Variants in TNRC6A observed in about 807,000 individuals in gnomAD.
TNRC6A encodes trinucleotide repeat containing adaptor 6A.
A neutral mutation model predicts 221.2 loss-of-function variants in TNRC6A; 44 were observed. The ratio of observed to expected loss-of-function variants is 0.20; its 90% CI spans 0.16 to 0.26. The LOEUF (loss-of-function observed/expected upper bound fraction) is 0.26. Among genes scored for constraint, TNRC6A ranks in the 10% least tolerant of loss-of-function variants. TNRC6A has a pLI of 1.00. For missense variants in TNRC6A, 2,199 were observed against 2,404.4 expected, an observed-to-expected ratio of 0.91 and a Z score of 1.79; for synonymous variants, 847 against 838.5, an observed-to-expected ratio of 1.01 and a Z score of -0.18.
At position 24,825,117 on chromosome 16, in the gene TNRC6A, A is replaced by G. The variant is rs2058843606; in HGVS notation, c.*1310A>G. ...ACTGTAACCAAGGTATTGGGCTTAC[A>G]GAGTTGTTTGTTGTATAAAGAAAAT... On this transcript the variant is annotated 3_prime_UTR_variant, in exon 25 of 25. Coordinates refer to ENST00000395799, the MANE Select transcript of TNRC6A (RefSeq NM_014494.4). The G allele has an allele frequency of 6.6e-6, 1 of 152,654 alleles. No homozygotes were observed. Among genetic ancestry groups the G allele is most frequent in the African/African-American group, 2.4e-5 (1 of 41,462 alleles). 9.5% of individuals were successfully genotyped at this position (152,654 alleles called of 1,614,324 possible).
chr16:24,729,253 G>A (rs1174612028), upstream of TNRC6A, among the ~76,000 whole-genome samples: 1 of 151,494 alleles, frequency 6.6e-6, no homozygotes, highest in Non-Finnish European at 1.5e-5. Flanking sequence ...TTCAAAAGCC[G>A]CGCGGGCTCA....
At chr16:24,771,566 GTTATGTTATGTTA>G (rs2057599704) in intron 4 of TNRC6A, among the ~76,000 whole-genome samples, 1 of 96,526 alleles carries the variant, frequency 1.0e-5, no homozygotes, top group Admixed American at 1.1e-4. Context: ...TATGTTTTAT[GTTATGTTATGTTA>G]TGTTGTTATG....
intron 2 of TNRC6A, among the ~76,000 whole-genome samples, chr16:24,678,997 T>C (rs1474699325): frequency 8.6e-5 from 1 of 11,596 alleles, no homozygotes; most frequent in African/African-American, 5.3e-4. Context: ...ACATTGAATT[T>C]TTTTTTTTTT....
At chr16:24,710,395 C>G (rs1261383576) in intron 2 of TNRC6A, among the ~76,000 whole-genome samples, 1 of 151,682 alleles carries the variant, frequency 6.6e-6, no homozygotes, top group Non-Finnish European at 1.5e-5. Flanking sequence ...ATCACTGGAG[C>G]CCAGGAGTTC....
intron 17 of TNRC6A, among the ~76,000 whole-genome samples, 159 bp downstream of exon 17, chr16:24,806,943 C>T (rs1407101144): frequency 6.6e-6 from 1 of 152,104 alleles, no homozygotes; most frequent in Admixed American, 6.5e-5. Flanking sequence ...TAGTTTTAAC[C>T]TGCTCCACAT....
At chr16:24,721,960 T>G (rs148230551) in intron 2 of TNRC6A, among the ~76,000 whole-genome samples, 28 of 152,156 alleles carry the variant, frequency 1.8e-4, no homozygotes, top group Non-Finnish European at 3.2e-4. Context: ...TTTGTGGTGA[T>G]GTGAATCAGA....
intron 21 of TNRC6A, chr16:24,819,723 G>T: frequency 5.0e-6 from 1 of 201,562 alleles, no homozygotes; most frequent in South Asian, 8.7e-5. Flanking sequence ...GGCAGCTCCT[G>T]AGTTGGGGCT....
intron 2 of TNRC6A, among the ~76,000 whole-genome samples, chr16:24,680,921 G>A (rs968838926): frequency 4.6e-5 from 7 of 150,868 alleles, no homozygotes; most frequent in Non-Finnish European, 8.8e-5. Context: ...AACCACACTC[G>A]GCTAATTAAA....
chr16:24,707,789 T>C (rs748362761), intron 2 of TNRC6A, among the ~76,000 whole-genome samples: 16 of 152,214 alleles, frequency 1.1e-4, no homozygotes, highest in Non-Finnish European at 2.1e-4. Flanking sequence ...GCCAGTGCGG[T>C]GGCTCACGCC....
intron 2 of TNRC6A, among the ~76,000 whole-genome samples, chr16:24,655,173 G>A (rs541681784): frequency 1.3e-5 from 2 of 152,260 alleles, no homozygotes; most frequent in Admixed American, 6.5e-5. Context: ...GAGCCCAGGA[G>A]GTAGAGGCTA....
intron 2 of TNRC6A, among the ~76,000 whole-genome samples, chr16:24,666,197 A>G (rs2055155272): frequency 6.6e-6 from 1 of 152,040 alleles, no homozygotes; most frequent in Admixed American, 6.6e-5. Context: ...AGCCAGGAGC[A>G]GTGGCTCATG....
At chr16:24,674,853 A>C (rs1244133412) in intron 2 of TNRC6A, among the ~76,000 whole-genome samples, 3 of 151,948 alleles carry the variant, frequency 2.0e-5, no homozygotes, top group African/African-American at 7.3e-5. Flanking sequence ...CAAATTCTCC[A>C]CCCACCAGGC....
intron 23 of TNRC6A, 66 bp downstream of exon 23, chr16:24,822,213 C>G: frequency 6.6e-7 from 1 of 1,524,580 alleles, no homozygotes. Flanking sequence ...AGGTTCGGGT[C>G]TGTATGTGAG....
At chr16:24,738,742 A>G (rs990947296) in intron 2 of TNRC6A, among the ~76,000 whole-genome samples, 1 of 152,234 alleles carries the variant, frequency 6.6e-6, no homozygotes, top group African/African-American at 2.4e-5. Flanking sequence ...TAATATTGCT[A>G]TGAACATTCA....
chr16:24,671,764 C>CT (rs1394065718), intron 2 of TNRC6A, among the ~76,000 whole-genome samples: 1 of 152,144 alleles, frequency 6.6e-6, no homozygotes, highest in East Asian at 1.9e-4. Context: ...AATCCCAGCG[C>CT]TTTGGGAGGC....
intron 18 of TNRC6A, among the ~76,000 whole-genome samples, chr16:24,813,751 T>C (rs2058596205): frequency 6.6e-6 from 1 of 152,246 alleles, no homozygotes; most frequent in Non-Finnish European, 1.5e-5. Context: ...TTACATTTCA[T>C]TTTGCTGATG....
chr16:24,753,710 A>G (rs949252425), intron 3 of TNRC6A, among the ~76,000 whole-genome samples: 1 of 152,238 alleles, frequency 6.6e-6, no homozygotes, highest in Non-Finnish European at 1.5e-5. Flanking sequence ...AGATATCTAC[A>G]TGAGCCAGGT....
At chr16:24,746,848 C>T (rs2057021204) in intron 2 of TNRC6A, among the ~76,000 whole-genome samples, 1 of 152,170 alleles carries the variant, frequency 6.6e-6, no homozygotes, top group Non-Finnish European at 1.5e-5. Context: ...AAGGGGCATT[C>T]TACCTCCAAG....
Position 24,716,752 on chromosome 16 carries a change from G to A in TNRC6A, n.403-33974G>A, listed in dbSNP as rs572045303. ...AGGCGGGCAGATCACAAGGTCAAGA[G>A]ATAGAGACCATCCTGGCCAACATGG... On this transcript the variant is annotated intron_variant and non_coding_transcript_variant, in intron 2 of 2. Transcript: ENST00000566108. Among the ~76,000 whole-genome samples the A allele has an allele frequency of 3.3e-5, 5 of 152,150 alleles. No homozygotes were observed. In the East Asian group the frequency reaches 9.7e-4, roughly 30 times the overall value.
Sources: allele counts gnomAD v4.1 joint callset (sites outside exome capture counted in the v4.1 genomes callset), GRCh38; gene constraint gnomAD v4.1.1; transcripts MANE v1.5; gene names NCBI Gene and HGNC (gene_info 2026-07-23, HGNC 2026-07-21).